The following GRM5 variants were observed in gnomAD, a reference collection of about 807,000 sequenced individuals.
GRM5 encodes glutamate metabotropic receptor 5.
Under a neutral mutation model 83.1 loss-of-function variants are expected in GRM5, and 19 were observed. The ratio of observed to expected loss-of-function variants is 0.23; its 90% CI spans 0.16 to 0.34. The LOEUF is 0.34. Among genes scored for constraint, GRM5 ranks in the 10% least tolerant of loss-of-function variants. The pLI is 1.00. For synonymous variants in GRM5, 675 were observed against 633.6 expected (o/e 1.07, Z -0.98); for missense variants, 1,160 against 1,588.3 (o/e 0.73, Z 4.58).
chr11:88,987,866 C>T (rs1436260207), intron 2 of GRM5, among the ~76,000 whole-genome samples: 3 of 150,918 alleles, frequency 2.0e-5, no homozygotes, highest in African/African-American at 7.4e-5. Flanking sequence ...CTGTACATCA[C>T]CATCATCAAA....
intron 8 of GRM5, among the ~76,000 whole-genome samples, chr11:88,532,051 A>T (rs893587632): frequency 1.3e-5 from 2 of 152,176 alleles, no homozygotes; most frequent in African/African-American, 4.8e-5. Flanking sequence ...ATTCATAGAA[A>T]AAAACAGCCT....
intron 4 of GRM5, among the ~76,000 whole-genome samples, chr11:88,608,724 G>A (rs747865816): frequency 6.6e-6 from 1 of 152,020 alleles, no homozygotes; most frequent in African/African-American, 2.4e-5. Flanking sequence ...GTTTCACCAT[G>A]TTAGCCAGGA....
intron 2 of GRM5, among the ~76,000 whole-genome samples, chr11:88,897,386 T>A (rs534520874): frequency 4.3e-4 from 66 of 152,046 alleles, no homozygotes; most frequent in Middle Eastern, 3.4e-3. Flanking sequence ...ACACAAAAAA[T>A]TCATAATGAA....
chr11:88,522,582 T>G (rs1941726780), intron 9 of GRM5, among the ~76,000 whole-genome samples: 1 of 136,834 alleles, frequency 7.3e-6, no homozygotes, highest in Non-Finnish European at 1.6e-5. Context: ...TCTCTCTCTC[T>G]CTCTCGCTCT....
At chr11:88,647,204 C>G (rs1452086795) in intron 4 of GRM5, among the ~76,000 whole-genome samples, 2 of 152,058 alleles carry the variant, frequency 1.3e-5, no homozygotes, top group Non-Finnish European at 2.9e-5. Flanking sequence ...TACCCTACTA[C>G]AGTATGACTT....
chr11:88,508,810 G>A lies in GRM5; in HGVS notation c.3421C>T (p.Arg1141Trp), dbSNP rs749861388. ...TCGGGACCGGCCGCGGGGCTCTCCC[G>A]GGCCGCGTCCCCAGCCGCCTGCGCC... ...AGAQAAGDAA[R>W]ESPAAGPEAA... is the part of the protein sequence containing the mutation. The change falls in exon 10 of 10, where the codon CGG becomes TGG. Residue 1141 changes from arginine (R) to tryptophan (W), a missense_variant. Coordinates refer to ENST00000305447, the MANE Select transcript of GRM5 (RefSeq NM_001143831.3). The surrounding 1 kb of genome is among the most constrained non-coding windows in gnomAD (Gnocchi z 4.2). The A allele has an allele frequency of 5.9e-6, 9 of 1,523,516 alleles. No individual in the cohort carries two copies. The highest frequency in any genetic ancestry group is 3.7e-5 in the South Asian group (3 of 81,252). The allele number at this position is 1,523,516 out of a possible 1,614,324, so 94.4% of individuals were successfully genotyped here.
At chr11:89,002,115 T>C (rs1940400796) in intron 2 of GRM5, among the ~76,000 whole-genome samples, 1 of 152,176 alleles carries the variant, frequency 6.6e-6, no homozygotes, top group African/African-American at 2.4e-5. Context: ...TCTAAGATTC[T>C]TGGATTGAAC....
intron 2 of GRM5, among the ~76,000 whole-genome samples, chr11:88,890,009 G>C (rs1019808819): frequency 2.6e-5 from 4 of 152,128 alleles, no homozygotes; most frequent in Non-Finnish European, 4.4e-5. Flanking sequence ...CATTAGGAGA[G>C]AGCTTTGATG....
At chr11:89,009,624 C>T (rs1454186803) in intron 2 of GRM5, among the ~76,000 whole-genome samples, 2 of 151,662 alleles carry the variant, frequency 1.3e-5, no homozygotes, top group Non-Finnish European at 2.9e-5. Context: ...AGGCCGGGCG[C>T]GGTGGCTCAC....
At chr11:88,908,019 A>G (rs530336905) in intron 2 of GRM5, among the ~76,000 whole-genome samples, 1 of 152,304 alleles carries the variant, frequency 6.6e-6, no homozygotes, top group East Asian at 1.9e-4. Context: ...TTTTGGAGAA[A>G]GTGGTTATAA....
intron 2 of GRM5, among the ~76,000 whole-genome samples, chr11:88,944,520 A>G (rs1291532689): frequency 6.6e-6 from 1 of 151,924 alleles, no homozygotes. Flanking sequence ...TGGCAAAATT[A>G]CCTAAAACCT....
At chr11:88,838,447 C>T (rs1221239472) in intron 3 of GRM5, among the ~76,000 whole-genome samples, 1 of 152,090 alleles carries the variant, frequency 6.6e-6, no homozygotes, top group African/African-American at 2.4e-5. Flanking sequence ...CTGAAAGCTA[C>T]CTATTAAAGC....
chr11:88,535,140 A>AT (rs1182016682), intron 8 of GRM5, among the ~76,000 whole-genome samples: 4 of 152,078 alleles, frequency 2.6e-5, no homozygotes, highest in African/African-American at 7.2e-5. Context: ...GAAGATACTT[A>AT]TTTTTTTAAG....
intron 2 of GRM5, among the ~76,000 whole-genome samples, chr11:88,865,289 G>A (rs1944642828): frequency 6.6e-6 from 1 of 152,072 alleles, no homozygotes; most frequent in African/African-American, 2.4e-5. Context: ...TGACAAACCT[G>A]ACAAAAACAA....
intron 8 of GRM5, among the ~76,000 whole-genome samples, chr11:88,558,070 C>T (rs1306556656): frequency 2.0e-5 from 3 of 152,090 alleles, no homozygotes; most frequent in Non-Finnish European, 4.4e-5. Context: ...TTCCAAAGGG[C>T]AGGCTTTGTG....
intron 3 of GRM5, among the ~76,000 whole-genome samples, chr11:88,660,082 C>T (rs1565175567): frequency 6.6e-6 from 1 of 152,188 alleles, no homozygotes; most frequent in South Asian, 2.1e-4. Flanking sequence ...CCAGGCCATG[C>T]CCTCAAGGAG....
intron 2 of GRM5, among the ~76,000 whole-genome samples, chr11:89,012,458 G>C (rs761993330): frequency 6.6e-5 from 10 of 152,154 alleles, no homozygotes; most frequent in Non-Finnish European, 4.4e-5. Context: ...CATGGTGAGA[G>C]AGTCTATTTG....
intron 4 of GRM5, among the ~76,000 whole-genome samples, chr11:88,650,518 T>C (rs1219657506): frequency 2.6e-5 from 4 of 151,894 alleles, no homozygotes; most frequent in Non-Finnish European, 5.9e-5. Context: ...TCACAGATTG[T>C]CAAATACAGA....
intron 8 of GRM5, among the ~76,000 whole-genome samples, chr11:88,545,001 A>C (rs554016904): frequency 9.8e-4 from 149 of 152,306 alleles, no homozygotes; most frequent in Admixed American, 1.4e-3. Flanking sequence ...GAGACAAAAA[A>C]CTTCCTCAAA....
Sources: gnomAD v4.1 joint callset for allele counts (sites outside exome capture counted in the v4.1 genomes callset) on GRCh38, gnomAD v4.1.1 for gene constraint, Gnocchi (gnomAD v3.1) non-coding constraint, MANE v1.5 for transcripts, NCBI Gene and HGNC (gene_info 2026-07-23, HGNC 2026-07-21) for gene names.